The following TMEM169 variants were observed in gnomAD, a reference collection of about 807,000 sequenced individuals.
TMEM169 encodes the protein transmembrane protein 169.
In TMEM169, 18 loss-of-function variants were observed where a neutral mutation model predicts 27.3. The ratio of observed to expected loss-of-function variants is 0.66; its 90% CI spans 0.46 to 0.98. TMEM169 has a LOEUF of 0.98. Ranked by LOEUF, TMEM169 falls within the 50% of genes least tolerant of loss-of-function variation. The pLI is 0.00. For synonymous variants in TMEM169, 136 were observed against 142.1 expected (o/e 0.96, Z 0.30); for missense variants, 320 against 368.6 (o/e 0.87, Z 1.08).
intron 1 of TMEM169, among the ~76,000 whole-genome samples, chr2:216,092,206 C>T (rs7567258): frequency 0.21 from 31,943 of 152,014 alleles, 3,674 homozygotes; most frequent in Non-Finnish European, 0.25. Flanking sequence ...TCTTTTATAT[C>T]CCCAAGAGAC....
intron 1 of TMEM169, among the ~76,000 whole-genome samples, chr2:216,091,556 C>CAAAAAA (rs35975278): frequency 3.7e-5 from 3 of 80,326 alleles, no homozygotes; most frequent in African/African-American, 5.0e-5. Context: ...GACTCCATCT[C>CAAAAAA]AAAAAAAAAA....
At chr2:216,090,965 A>G (rs1244892862) in intron 1 of TMEM169, among the ~76,000 whole-genome samples, 2 of 152,202 alleles carry the variant, frequency 1.3e-5, no homozygotes, top group Non-Finnish European at 2.9e-5. Context: ...TTCAATCAAC[A>G]ACTGCCTAAG....
intron 1 of TMEM169, among the ~76,000 whole-genome samples, chr2:216,091,397 A>C (rs538655390): frequency 6.6e-6 from 1 of 152,186 alleles, no homozygotes; most frequent in South Asian, 2.1e-4. Flanking sequence ...TCTCTACTAA[A>C]AATACAAAAA....
Position 216,096,175 on chromosome 2 carries a change from G to C in TMEM169, c.212G>C (p.Gly71Ala). ...GATGAGGAGCCCGGAGAATCAGAAGGTGGAGATCAGCCTAAAGAGGAGGAG... is the reference window on the plus strand; with the variant it reads ...GATGAGGAGCCCGGAGAATCAGAAGCTGGAGATCAGCCTAAAGAGGAGGAG... ...KTDEEPGESEGGDQPKEEEGD... is the reference protein window; with the variant it reads ...KTDEEPGESEAGDQPKEEEGD... Residue 71 changes from glycine to alanine, a missense_variant, in exon 2 of 3, where the codon GGT becomes GCT. Coordinates refer to ENST00000437356, the MANE Select transcript of TMEM169 (RefSeq NM_001142311.2). 6.2e-7 allele frequency: 1 copy of C among 1,614,064 alleles called. No individual in the cohort carries two copies. The highest frequency in any genetic ancestry group is 2.2e-5 in the East Asian group (1 of 44,894).
intron 2 of TMEM169, among the ~76,000 whole-genome samples, chr2:216,098,566 C>G (rs1036221613): frequency 3.3e-5 from 5 of 152,136 alleles, no homozygotes; most frequent in Non-Finnish European, 7.4e-5. Flanking sequence ...GGGCCCTGCT[C>G]TTTAGGTGGC....
In TMEM169 at chr2:216,100,636, C is replaced by A; in HGVS notation, c.*94C>A. The A allele has an allele frequency of 1.3e-6, 2 of 1,530,620 alleles. No individual in the cohort carries two copies. The highest frequency in any genetic ancestry group is 2.7e-5 in the African/African-American group (2 of 73,070). 94.8% of individuals were successfully genotyped at this position (1,530,620 alleles called of 1,614,324 possible). ...ATTTCTTTAAATTACCCCCTACTCT[C>A]CGCAGTTCTTCTGGGAAATCAGAGT... On this transcript the variant is annotated 3_prime_UTR_variant, in exon 3 of 3. Transcript: ENST00000437356.
chr2:216,102,420 A>G lies in TMEM169; in HGVS notation c.*1878A>G, dbSNP rs929701904. On this transcript the variant is annotated 3_prime_UTR_variant, in exon 3 of 3. Coordinates refer to ENST00000437356, the MANE Select transcript of TMEM169 (RefSeq NM_001142311.2). ...GTGTCCTTCTAATTTCAAAATATCA[A>G]CTCCTAAGAGGTCAGCAGAATTTGG... 2.0e-5 allele frequency: 3 copies of G among 152,328 alleles called. No individual in the cohort carries two copies. The highest frequency in any genetic ancestry group is 3.8e-4 in the East Asian group (2 of 5,206). The allele number at this position is 152,328 out of a possible 1,614,324, so 9.4% of individuals were successfully genotyped here. A position where few individuals can be genotyped will look rare whatever the true frequency, so the allele number is the denominator to read the frequency against.
chr2:216,095,920 C>G lies in TMEM169; in HGVS notation c.-44C>G. On this transcript the variant is annotated 5_prime_UTR_variant, in exon 2 of 3. Coordinates refer to ENST00000437356, the MANE Select transcript of TMEM169 (RefSeq NM_001142311.2). ...TGTGTGAACTGTGAGTTTACTCAAA[C>G]AAGTCCAACTCTTTATAAGACATAG... 3.2e-6 allele frequency: 5 copies of G among 1,569,222 alleles called. No homozygotes were observed. The highest frequency in any genetic ancestry group is 4.3e-6 in the Non-Finnish European group (5 of 1,158,428).
intron 1 of TMEM169, among the ~76,000 whole-genome samples, chr2:216,083,902 A>G (rs921190429): frequency 2.0e-5 from 3 of 152,216 alleles, no homozygotes; most frequent in African/African-American, 4.8e-5. Flanking sequence ...CTGGAAGCAG[A>G]GCAATAGATC....
At chr2:216,094,791 C>T (rs1696222416) in intron 1 of TMEM169, among the ~76,000 whole-genome samples, 3 of 152,170 alleles carry the variant, frequency 2.0e-5, no homozygotes, top group Admixed American at 2.0e-4. Flanking sequence ...AAATGAAGGA[C>T]AGATATACAG....
At chr2:216,089,270 G>T (rs1696074949) in intron 1 of TMEM169, among the ~76,000 whole-genome samples, 1 of 151,974 alleles carries the variant, frequency 6.6e-6, no homozygotes, top group African/African-American at 2.4e-5. Flanking sequence ...ATGGTGAAGT[G>T]GTCACTGTGA....
Position 216,099,801 on chromosome 2 carries a change from T to A in TMEM169, c.272-119T>A, listed in dbSNP as rs1559229787. 7.4e-7 allele frequency: 1 copy of A among 1,359,198 alleles called. No homozygotes were observed. The highest frequency in any genetic ancestry group is 1.4e-5 in the South Asian group (1 of 70,706). The allele number at this position is 1,359,198 out of a possible 1,614,324, so 84.2% of individuals were successfully genotyped here. ...CGCCATTGAATCACTGACTCAGGACTGTGCCAGATGGTGTAAAAAAGGCTA... is the reference window on the plus strand; with the variant it reads ...CGCCATTGAATCACTGACTCAGGACAGTGCCAGATGGTGTAAAAAAGGCTA... On this transcript the variant is annotated intron_variant, in intron 2 of 2. Transcript: ENST00000437356. This position sits in a 1 kb window ranked among gnomAD's most constrained non-coding sequence, Gnocchi z 5.0.
chr2:216,090,256 G>A (rs1435783169), intron 1 of TMEM169, among the ~76,000 whole-genome samples: 2 of 152,170 alleles, frequency 1.3e-5, no homozygotes, highest in African/African-American at 2.4e-5. Context: ...GGAAGTTGGA[G>A]CTATTGGAGA....
chr2:216,097,380 G>A (rs527626794), intron 2 of TMEM169, among the ~76,000 whole-genome samples: 22 of 152,102 alleles, frequency 1.4e-4, no homozygotes, highest in Admixed American at 5.2e-4. Flanking sequence ...GTGAAACCCC[G>A]TCTCTACTAA....
intron 1 of TMEM169, among the ~76,000 whole-genome samples, chr2:216,095,109 C>CTTTCTTTTTTTTTTTT (rs751748269): frequency 8.1e-5 from 9 of 110,484 alleles, no homozygotes; most frequent in Admixed American, 1.1e-4. Context: ...TTTTTTCTTT[C>CTTTCTTTTTTTTTTTT]TTTTTTTTTT....
intron 1 of TMEM169, among the ~76,000 whole-genome samples, chr2:216,084,168 C>A (rs1318076881): frequency 3.3e-5 from 5 of 151,728 alleles, no homozygotes; most frequent in Admixed American, 2.0e-4. Context: ...CAGCTTCCCA[C>A]CCCTCCCCCA....
chr2:216,092,070 G>A (rs1309336505), intron 1 of TMEM169, among the ~76,000 whole-genome samples: 4 of 152,160 alleles, frequency 2.6e-5, no homozygotes, highest in Non-Finnish European at 5.9e-5. Flanking sequence ...GAATAGCCAG[G>A]AGCTCACCCT....
At position 216,100,345 on chromosome 2, in the gene TMEM169, C is replaced by A. The variant is rs1696366479; in HGVS notation, c.697C>A (p.Gln233Lys). ...SSLGLYAAVV[Q>K]LSWSWEAWWQ... ...CCTCGGCCTCTACGCTGCTGTGGTC[C>A]AGCTCTCGTGGTCCTGGGAAGCATG... Residue 233 changes from glutamine (Q) to lysine (K), a missense_variant, in exon 3 of 3, where the codon CAG becomes AAG. Transcript: ENST00000437356. 1 of 1,613,990 alleles carries A rather than the reference C, an allele frequency of 6.2e-7. No homozygotes were observed. The highest frequency in any genetic ancestry group is 8.5e-7 in the Non-Finnish European group (1 of 1,180,000).
intron 1 of TMEM169, among the ~76,000 whole-genome samples, chr2:216,093,402 A>C (rs1696185354): frequency 6.6e-6 from 1 of 152,094 alleles, no homozygotes; most frequent in African/African-American, 2.4e-5. Context: ...TTGTACTTTT[A>C]GACACCTCAG....
Sources: allele counts gnomAD v4.1 joint callset (sites outside exome capture counted in the v4.1 genomes callset), GRCh38; gene constraint gnomAD v4.1.1; non-coding constraint Gnocchi (gnomAD v3.1); transcripts MANE v1.5; gene names NCBI Gene and HGNC (gene_info 2026-07-23, HGNC 2026-07-21).